PDCD11: variants seen among roughly 807,000 people sequenced by gnomAD.
The protein encoded by PDCD11 is programmed cell death 11.
A neutral mutation model predicts 198.9 loss-of-function variants in PDCD11; 97 were observed. The observed-to-expected ratio is 0.49, with a 90% CI of 0.41 to 0.58. PDCD11 has a LOEUF of 0.58. PDCD11 is among the 20% of genes least tolerant of loss of function. The pLI is 0.00. For synonymous variants in PDCD11, 893 were observed against 918.0 expected (o/e 0.97, Z 0.49); for missense variants, 2,102 against 2,312.7 (o/e 0.91, Z 1.87).
Position 103,432,204 on chromosome 10 carries a change from C to T in PDCD11, c.3444C>T (p.Ala1148=), listed in dbSNP as rs79997414. Residue 1148 remains alanine, a synonymous_variant, in exon 22 of 36, where the codon GCC becomes GCT. Transcript: ENST00000369797. The stretch of plus-strand genomic sequence containing the variant: ...TGGAGAAGATTAAACAGTACCAGGC[C>T]GGCCAGACTGTTACTTGCTTCTTAA... ...SPMEKIKQYQ[A]GQTVTCFLKK... 1.9e-5 allele frequency: 31 copies of T among 1,613,368 alleles called. No individual in the cohort carries two copies. The highest frequency in any genetic ancestry group is 4.5e-5 in the East Asian group (2 of 44,884).
chr10:103,437,478 GTTAT>G (rs368502106), intron 25 of PDCD11, among the ~76,000 whole-genome samples: 2,028 of 151,044 alleles, frequency 0.013, 23 homozygotes, highest in Non-Finnish European at 0.021. Context: ...AGTAGGTAGT[GTTAT>G]TTATTTATTT....
intron 21 of PDCD11, among the ~76,000 whole-genome samples, chr10:103,430,099 C>T (rs2031866175): frequency 6.6e-6 from 1 of 152,020 alleles, no homozygotes; most frequent in South Asian, 2.1e-4. Flanking sequence ...CAAGTGATCC[C>T]CCTCCCTCAG....
In PDCD11 at chr10:103,444,681, C is replaced by T. The variant is rs775255118; in HGVS notation, c.5443C>T (p.Arg1815Trp). The T allele has an allele frequency of 4.3e-6, 7 of 1,613,442 alleles. No homozygotes were observed. The highest frequency in any genetic ancestry group is 1.1e-5 in the South Asian group (1 of 91,044). The change falls in exon 35 of 36, where the codon CGG becomes TGG. Residue 1815 changes from arginine (R) to tryptophan (W), a missense_variant and splice_region_variant. Arg to Trp is a moderately radical substitution (Grantham distance 101, BLOSUM62 -3). Transcript: ENST00000369797. ...TIKHGSQKDV[R>W]DIFERVIHLS... ...CAAGCACGGCAGCCAGAAGGACGTCCGGTGAGTGGGGCAGCTGGCCAAGGC... is the reference window on the plus strand; with the variant it reads ...CAAGCACGGCAGCCAGAAGGACGTCTGGTGAGTGGGGCAGCTGGCCAAGGC...
chr10:103,438,893 C>T (rs1481754921), intron 27 of PDCD11, 85 bp downstream of exon 27: 1 of 1,425,628 alleles, frequency 7.0e-7, no homozygotes, highest in Non-Finnish European at 9.7e-7. Flanking sequence ...CCTCGGTCAA[C>T]TTCTTTGATG....
At chr10:103,429,492 G>C (rs1018855136) in intron 21 of PDCD11, among the ~76,000 whole-genome samples, 18 of 152,084 alleles carry the variant, frequency 1.2e-4, no homozygotes, top group Admixed American at 5.9e-4. Flanking sequence ...TCAAGGTGTT[G>C]ACAGGTTTTG....
In PDCD11 at chr10:103,423,637, G is replaced by A; in HGVS notation, c.2742G>A (p.Leu914=). Residue 914 remains leucine (L), a synonymous_variant, in exon 19 of 36, where the codon TTG becomes TTA. Transcript: ENST00000369797. ...TGCACGTTTCCCTTCACCAGGACTT[G>A]GTGAATAGAAAAGCTAGAAAGGTAA... is the stretch of plus-strand genomic sequence containing the variant. ...LEVHVSLHQD[L]VNRKARKLRK... 6.2e-7 allele frequency: 1 copy of A among 1,611,504 alleles called. No individual in the cohort carries two copies. The highest frequency in any genetic ancestry group is 8.5e-7 in the Non-Finnish European group (1 of 1,177,594).
chr10:103,442,071 G>A (rs1037847352), intron 31 of PDCD11, 96 bp downstream of exon 31: 4 of 1,558,566 alleles, frequency 2.6e-6, no homozygotes, highest in Non-Finnish European at 1.8e-6. Flanking sequence ...CTGGGTGAGT[G>A]GGGGAGGGGG....
chr10:103,439,932 T>C lies in PDCD11; in HGVS notation c.4148+64T>C, dbSNP rs1336114854. 1.9e-6 allele frequency: 3 copies of C among 1,590,014 alleles called. No individual in the cohort carries two copies. The African/African-American group carries it at 4.0e-5, about 21-fold the overall frequency. On this transcript the variant is annotated intron_variant, in intron 28 of 35. Coordinates refer to ENST00000369797, the MANE Select transcript of PDCD11 (RefSeq NM_014976.2). ...ATCAAACCCCTTTCTCCAGGAGCCC[T>C]GGGAGGAGATTTCAGGGTGAACTGT...
In PDCD11 at chr10:103,414,810, G is replaced by C. The variant is rs574814036; in HGVS notation, c.1372-195G>C. On this transcript the variant is annotated intron_variant, in intron 11 of 35. Transcript: ENST00000369797. ...CATGCTCACACAGAAAGATGTGAAG[G>C]CTCCCATAAATAAAGCTGACAGAAT... Among the ~76,000 whole-genome samples the C allele has an allele frequency of 4.6e-5, 7 of 152,282 alleles. No individual in the cohort carries two copies. The East Asian group carries it at 7.7e-4, about 17-fold the overall frequency.
At chr10:103,412,992 C>T (rs1262079708) in intron 8 of PDCD11, 124 bp from the exon 9 acceptor site, 1 of 713,952 alleles carries the variant, frequency 1.4e-6, no homozygotes. Flanking sequence ...TGAGTACTTA[C>T]ATACTAAGGA....
chr10:103,440,954 A>G (rs2032363811), intron 30 of PDCD11, 104 bp downstream of exon 30: 2 of 808,060 alleles, frequency 2.5e-6, no homozygotes, highest in Admixed American at 5.8e-5. Context: ...AAAATACGAA[A>G]GCAGGGGCTG....
chr10:103,436,819 G>A (rs142329715), intron 25 of PDCD11, among the ~76,000 whole-genome samples: 1 of 152,308 alleles, frequency 6.6e-6, no homozygotes, highest in East Asian at 1.9e-4. Flanking sequence ...ATCTGTCGTG[G>A]GAAAATTTTG....
At chr10:103,430,557 G>C (rs940622994) in intron 21 of PDCD11, among the ~76,000 whole-genome samples, 1 of 150,954 alleles carries the variant, frequency 6.6e-6, no homozygotes, top group African/African-American at 2.4e-5. Flanking sequence ...TTCCATAATC[G>C]CTGTACCATT....
chr10:103,405,599 T>G (rs1365187929), intron 5 of PDCD11, among the ~76,000 whole-genome samples: 1 of 152,124 alleles, frequency 6.6e-6, no homozygotes, highest in Non-Finnish European at 1.5e-5. Flanking sequence ...TTTCACCATG[T>G]TGGCCAGGCT....
At chr10:103,416,314 TATGCTCCAGATTGTCATACAG>T (rs1300608433) in intron 12 of PDCD11, among the ~76,000 whole-genome samples, 156 bp from the exon 13 acceptor site, 1 of 152,230 alleles carries the variant, frequency 6.6e-6, no homozygotes, top group East Asian at 1.9e-4. Flanking sequence ...TAGTGATTTG[TATGCTCCAGATTGTCATACAG>T]CAGGAAGAAT....
At chr10:103,426,763 G>A (rs2031710872) in intron 20 of PDCD11, among the ~76,000 whole-genome samples, 2 of 151,192 alleles carry the variant, frequency 1.3e-5, no homozygotes, top group African/African-American at 2.4e-5. Flanking sequence ...TCTAGCCTGG[G>A]CAAGAGAGTG....
Position 103,444,077 on chromosome 10 carries a change from T to C in PDCD11, c.5278+9T>C, listed in dbSNP as rs755385434. ...CCTGCCTAGCAAGGAGCGTGAGTGC[T>C]CATTCCCAGCTCCTGAGCCCATGAG... On this transcript the variant is annotated intron_variant, in intron 34 of 35. Coordinates refer to ENST00000369797, the MANE Select transcript of PDCD11 (RefSeq NM_014976.2). The C allele has an allele frequency of 6.2e-7, 1 of 1,608,552 alleles. No individual in the cohort carries two copies. The highest frequency in any genetic ancestry group is 1.1e-5 in the South Asian group (1 of 90,882).
chr10:103,439,359 T>C (rs1010903899), intron 27 of PDCD11, among the ~76,000 whole-genome samples: 9 of 152,154 alleles, frequency 5.9e-5, no homozygotes, highest in African/African-American at 1.9e-4. Flanking sequence ...TAAATTTAAA[T>C]TAAAAAATAC....
chr10:103,408,538 A>T (rs755966785), intron 7 of PDCD11, among the ~76,000 whole-genome samples: 4 of 151,640 alleles, frequency 2.6e-5, no homozygotes, highest in African/African-American at 4.8e-5. Flanking sequence ...AATTTTTATA[A>T]TTATTTATTT....
Sources: gnomAD v4.1 joint callset for allele counts (sites outside exome capture counted in the v4.1 genomes callset) on GRCh38, gnomAD v4.1.1 for gene constraint, MANE v1.5 for transcripts, NCBI Gene and HGNC (gene_info 2026-07-23, HGNC 2026-07-21) for gene names.